The following ENO1 variants were observed in gnomAD, a reference collection of about 807,000 sequenced individuals.
The protein encoded by ENO1 is enolase 1.
In ENO1, 33 loss-of-function variants were observed where a neutral mutation model predicts 46.3. That is an observed-to-expected ratio of 0.71 (90% confidence interval 0.54 to 0.95). The LOEUF (loss-of-function observed/expected upper bound fraction) is 0.95. Among genes scored for constraint, ENO1 ranks in the 40% least tolerant of loss-of-function variants. The pLI is 0.00. For synonymous variants in ENO1, 220 were observed against 216.0 expected, an observed-to-expected ratio of 1.02 and a Z score of -0.16; for missense variants, 488 against 553.3, an observed-to-expected ratio of 0.88 and a Z score of 1.18.
chr1:8,877,725 A>G (rs966707003), intron 1 of ENO1: 1 of 151,790 alleles, frequency 6.6e-6, no homozygotes, highest in Non-Finnish European at 1.5e-5. Context: ...AAAAAACAAA[A>G]TTAGCCGGGC....
Position 8,865,395 on chromosome 1 carries a change from A to C in ENO1, c.755T>G (p.Phe252Cys), listed in dbSNP as rs778785912. The C allele has an allele frequency of 2.5e-6, 4 of 1,614,186 alleles. No individual in the cohort carries two copies. The highest frequency in any genetic ancestry group is 2.5e-6 in the Non-Finnish European group (3 of 1,180,044). ...IGMDVAASEF[F>C]RSGKYDLDFK... ...GTCCAGGTCATACTTCCCAGACCTG[A>C]AGAACTCGGAGGCCGCTACGTCCAT... is the stretch of plus-strand genomic sequence containing the variant. The change falls in exon 8 of 12, where the codon TTC becomes TGC. Residue 252 changes from phenylalanine (F) to cysteine (C), a missense_variant. Phe to Cys is a radical substitution (Grantham distance 205). Coordinates refer to ENST00000234590, the MANE Select transcript of ENO1 (RefSeq NM_001428.5).
chr1:8,868,752 C>T (rs7540170), intron 4 of ENO1, among the ~76,000 whole-genome samples: 40,264 of 152,132 alleles, frequency 0.26, 6,384 homozygotes, highest in East Asian at 0.75. Flanking sequence ...GTGTCACGAT[C>T]TCAGCTCACT....
intron 5 of ENO1, among the ~76,000 whole-genome samples, chr1:8,867,455 T>G (rs556109901): frequency 6.6e-6 from 1 of 152,198 alleles, no homozygotes; most frequent in South Asian, 2.1e-4. Flanking sequence ...CAGCCAACAG[T>G]AGGAATTGCT....
chr1:8,875,380 T>A (rs867285001), intron 1 of ENO1, among the ~76,000 whole-genome samples: 2 of 150,748 alleles, frequency 1.3e-5, no homozygotes, highest in African/African-American at 4.9e-5. Context: ...AATAGAAAGA[T>A]GAATGTGTTG....
At chr1:8,864,620 T>A (rs766371489) in intron 8 of ENO1, among the ~76,000 whole-genome samples, 23 of 152,184 alleles carry the variant, frequency 1.5e-4, no homozygotes, top group Non-Finnish European at 2.9e-4. Flanking sequence ...AAATTTTGTT[T>A]AAGACCTGTA....
rs947310160 is a variant in ENO1, at chr1:8,878,495, G to C, written c.-10+85C>G. The C allele has an allele frequency of 1.9e-4, 74 of 393,358 alleles. 1 individual carries two copies. The highest frequency in any genetic ancestry group is 4.3e-4 in the Admixed American group (15 of 34,890). 24.4% of individuals were successfully genotyped at this position (393,358 alleles called of 1,614,324 possible). ...GCCACGCTGGGCCTGCGGGCGCGCC[G>C]CCTCCCTCGGAGGGAAAAGAGCCCC... On this transcript the variant is annotated intron_variant, in intron 1 of 11. Transcript: ENST00000234590.
intron 8 of ENO1, among the ~76,000 whole-genome samples, chr1:8,864,482 T>A (rs1642470318): frequency 6.6e-6 from 1 of 152,174 alleles, no homozygotes; most frequent in Non-Finnish European, 1.5e-5. Flanking sequence ...TTTATTTTAT[T>A]TTTTTGTAGC....
chr1:8,872,504 T>A (rs1033482289), intron 2 of ENO1, among the ~76,000 whole-genome samples: 1 of 150,170 alleles, frequency 6.7e-6, no homozygotes, highest in Non-Finnish European at 1.5e-5. Context: ...TGCATCAGGC[T>A]CCCCAGCAAC....
intron 7 of ENO1, 186 bp downstream of exon 7, chr1:8,866,093 A>AC: frequency 1.8e-6 from 1 of 543,190 alleles, no homozygotes; most frequent in South Asian, 2.8e-5. Context: ...AAAAAAAAAA[A>AC]GAAAAAAATA....
At position 8,866,423 on chromosome 1, in the gene ENO1, C is replaced by A. The variant is rs746309963; in HGVS notation, c.523G>T (p.Ala175Ser). The A allele has an allele frequency of 6.2e-7, 1 of 1,614,236 alleles. No homozygotes were observed. The highest frequency in any genetic ancestry group is 1.3e-5 in the African/African-American group (1 of 75,058). ...MQEFMILPVG[A>S]ANFREAMRIG... ...CGCATGGCTTCCCTGAAGTTTGCTG[C>A]ACCGACTGGGAGGATCATGAACTCC... The change falls in exon 7 of 12, where the codon GCA (alanine) becomes TCA (serine). Residue 175 changes from alanine to serine, a missense_variant. By Grantham distance (99) the Ala-to-Ser change is moderately conservative. Transcript: ENST00000234590.
chr1:8,870,677 G>A, intron 3 of ENO1, 167 bp from the exon 4 acceptor site: 1 of 1,475,912 alleles, frequency 6.8e-7, no homozygotes, highest in Non-Finnish European at 9.0e-7. Flanking sequence ...GGACTTTCCG[G>A]CCCAGTCTGA....
rs1188766793 is a variant in ENO1 at position 8,865,602 on chromosome 1, G to A, written c.668-120C>T. 8.5e-6 allele frequency: 8 copies of A among 943,274 alleles called. No individual in the cohort carries two copies. The East Asian group carries it at 2.1e-4, about 25-fold the overall frequency. 58.4% of individuals were successfully genotyped at this position (943,274 alleles called of 1,614,324 possible). A position where few individuals can be genotyped will look rare whatever the true frequency, so the allele number is the denominator to read the frequency against. ...TCAACAGGTGTTCAGGCCCCAACCA[G>A]TAGTTCTGACATCAGTTACTTTTTT... On this transcript the variant is annotated intron_variant, in intron 7 of 11. Coordinates refer to ENST00000234590, the MANE Select transcript of ENO1 (RefSeq NM_001428.5).
chr1:8,875,190 T>C (rs897477028), intron 1 of ENO1, among the ~76,000 whole-genome samples: 1 of 152,136 alleles, frequency 6.6e-6, no homozygotes, highest in Non-Finnish European at 1.5e-5. Context: ...TGGGAGTTAC[T>C]TTTATCCGAC....
chr1:8,865,481 G>C lies in ENO1; in HGVS notation c.669C>G (p.Gly223=), dbSNP rs956999109. 2.5e-6 allele frequency: 4 copies of C among 1,612,690 alleles called. No homozygotes were observed. The African/African-American group carries it at 4.0e-5, about 16-fold the overall frequency. The stretch of plus-strand genomic sequence containing the variant: ...CAATAGCAGTCTTCAGCAGCTCCAG[G>C]CCTGGGAAGAGATGGTGACAACAGG... ...FAPNILENKE[G]LELLKTAIGK... The change falls in exon 8 of 12, where the codon GGC becomes GGG. Residue 223 remains glycine (G), a splice_region_variant and synonymous_variant. Coordinates refer to ENST00000234590, the MANE Select transcript of ENO1 (RefSeq NM_001428.5).
intron 2 of ENO1, among the ~76,000 whole-genome samples, chr1:8,873,201 G>T (rs1642668041): frequency 6.6e-6 from 1 of 152,202 alleles, no homozygotes; most frequent in Non-Finnish European, 1.5e-5. Flanking sequence ...GTTCACGCAT[G>T]TTGACCACTC....
In ENO1 at chr1:8,861,373, G is replaced by C. The variant is rs756538264; in HGVS notation, c.1292C>G (p.Pro431Arg). The C allele has an allele frequency of 1.2e-6, 2 of 1,613,974 alleles. No individual in the cohort carries two copies. The highest frequency in any genetic ancestry group is 1.7e-6 in the Non-Finnish European group (2 of 1,180,016). ...AKFAGRNFRN[P>R]LAK is the part of the protein sequence containing the mutation. The stretch of plus-strand genomic sequence containing the variant: ...CCTGCCCACAGCTTACTTGGCCAAG[G>C]GGTTTCTGAAGTTCCTGCCGGCAAA... The change falls in exon 12 of 12, where the codon CCC becomes CGC. Residue 431 changes from proline to arginine, a missense_variant. Transcript: ENST00000234590.
At chr1:8,871,869 G>C in intron 3 of ENO1, 22 bp downstream of exon 3, 1 of 1,610,774 alleles carries the variant, frequency 6.2e-7, no homozygotes, top group Non-Finnish European at 8.5e-7. Context: ...GGAGGCCATG[G>C]GCTGTGGGTT....
intron 2 of ENO1, among the ~76,000 whole-genome samples, chr1:8,874,417 A>T (rs1018892503): frequency 2.6e-5 from 4 of 151,876 alleles, no homozygotes; most frequent in African/African-American, 7.3e-5. Context: ...GTCTCTCCCA[A>T]AAATGCAAAA....
At chr1:8,863,838 C>G in intron 9 of ENO1, 53 bp downstream of exon 9, 1 of 1,599,012 alleles carries the variant, frequency 6.3e-7, no homozygotes, top group Non-Finnish European at 8.6e-7. Flanking sequence ...GGGCCCTTTT[C>G]TGATTCACAA....
Sources: allele counts gnomAD v4.1 joint callset (sites outside exome capture counted in the v4.1 genomes callset), GRCh38; gene constraint gnomAD v4.1.1; transcripts MANE v1.5; gene names NCBI Gene and HGNC (gene_info 2026-07-23, HGNC 2026-07-21).